Variants in ANK3 observed in about 807,000 individuals in gnomAD.
ANK3 encodes the protein ankyrin-3.
Under a neutral mutation model 370.9 loss-of-function variants are expected in ANK3, and 57 were observed. The ratio of observed to expected loss-of-function variants is 0.15; its 90% CI spans 0.12 to 0.19. The LOEUF is 0.19. Among genes scored for constraint, ANK3 ranks in the 10% least tolerant of loss-of-function variants. The probability of loss-of-function intolerance (pLI) is 1.00; values close to 1 mark genes in which losing one functional copy is unlikely to be tolerated. For synonymous variants in ANK3, 1,929 were observed against 1,946.3 expected, an observed-to-expected ratio of 0.99 and a Z score of 0.23; for missense variants, 4,439 against 5,302.1, an observed-to-expected ratio of 0.84 and a Z score of 5.06.
intron 17 of ANK3, among the ~76,000 whole-genome samples, chr10:60,185,834 C>G (rs981021002): frequency 1.3e-5 from 2 of 152,144 alleles, no homozygotes; most frequent in Non-Finnish European, 2.9e-5. Context: ...ACTTCATTAA[C>G]AAGTTTCTGG....
At chr10:60,201,043 T>G (rs1166280175) in intron 12 of ANK3, among the ~76,000 whole-genome samples, 1 of 152,246 alleles carries the variant, frequency 6.6e-6, no homozygotes, top group South Asian at 2.1e-4. Flanking sequence ...TTCTCTCACA[T>G]AGGTGATGCT....
At chr10:60,508,669 G>A (rs968949659) in intron 2 of ANK3, 1 of 152,422 alleles carries the variant, frequency 6.6e-6, no homozygotes, top group Non-Finnish European at 1.5e-5. Flanking sequence ...TAATCATGAA[G>A]GCACAATTAC....
chr10:60,048,556 C>CA (rs2077321713), intron 42 of ANK3, among the ~76,000 whole-genome samples: 1 of 152,168 alleles, frequency 6.6e-6, no homozygotes, highest in African/African-American at 2.4e-5. Flanking sequence ...GCAGTATTTG[C>CA]ATATAAGCTA....
intron 2 of ANK3, among the ~76,000 whole-genome samples, chr10:60,607,702 A>T (rs1455362310): frequency 6.6e-6 from 1 of 152,228 alleles, no homozygotes; most frequent in African/African-American, 2.4e-5. Context: ...GAAATAAATA[A>T]GTGAAGCAAA....
intron 8 of ANK3, among the ~76,000 whole-genome samples, chr10:60,218,066 G>C (rs959796442): frequency 6.6e-6 from 1 of 150,602 alleles, no homozygotes; most frequent in African/African-American, 2.4e-5. Context: ...TCAGAGACTA[G>C]GATTGCAACC....
At chr10:60,166,768 C>G (rs1313269282) in intron 22 of ANK3, 56 bp downstream of exon 22, 9 of 1,597,924 alleles carry the variant, frequency 5.6e-6, no homozygotes, top group Non-Finnish European at 7.7e-6. Flanking sequence ...CTTCAGGAAA[C>G]AAACAAAATA....
At chr10:60,085,030 T>C in intron 31 of ANK3, 127 bp downstream of exon 31, 1 of 824,798 alleles carries the variant, frequency 1.2e-6, no homozygotes, top group East Asian at 2.7e-5. Context: ...ATAATTTTGA[T>C]AAGCAAATAC....
intron 1 of ANK3, among the ~76,000 whole-genome samples, chr10:60,618,310 T>A (rs1346155891): frequency 6.6e-6 from 1 of 152,164 alleles, no homozygotes; most frequent in African/African-American, 2.4e-5. Context: ...CGTCTTCTAA[T>A]AAAAGTAAAG....
intron 42 of ANK3, among the ~76,000 whole-genome samples, chr10:60,053,226 G>T (rs559839345): frequency 2.0e-5 from 3 of 152,190 alleles, no homozygotes; most frequent in African/African-American, 7.2e-5. Context: ...CTGTGTTGAC[G>T]AAAGAAAAGA....
intron 1 of ANK3, among the ~76,000 whole-genome samples, chr10:60,702,554 G>GT (rs1296070643): frequency 6.6e-6 from 1 of 151,734 alleles, no homozygotes; most frequent in Non-Finnish European, 1.5e-5. Context: ...TTATTGGTGT[G>GT]TAAAAAAAAA....
intron 17 of ANK3, among the ~76,000 whole-genome samples, chr10:60,184,753 G>A (rs528801734): frequency 3.9e-4 from 60 of 152,302 alleles, no homozygotes; most frequent in South Asian, 8.3e-4. Flanking sequence ...GGCATATATT[G>A]TACCAGTTGG....
At chr10:60,335,044 C>T (rs1344580581) in intron 1 of ANK3, among the ~76,000 whole-genome samples, 2 of 152,060 alleles carry the variant, frequency 1.3e-5, no homozygotes, top group East Asian at 3.9e-4. Flanking sequence ...GGGGCTAGGT[C>T]CTCTATTTCA....
chr10:60,255,795 TA>T (rs922888375), intron 7 of ANK3, among the ~76,000 whole-genome samples: 4 of 151,844 alleles, frequency 2.6e-5, no homozygotes, highest in African/African-American at 9.7e-5. Flanking sequence ...CTCTTGAGAA[TA>T]AAAAAAAATT....
intron 1 of ANK3, among the ~76,000 whole-genome samples, chr10:60,640,099 T>C (rs1381647802): frequency 1.3e-5 from 2 of 152,040 alleles, no homozygotes; most frequent in African/African-American, 2.4e-5. Context: ...GAATAAAGAA[T>C]ATTATCATCA....
Position 60,625,562 on chromosome 10 carries a change from C to T in ANK3, c.58-10338G>A, listed in dbSNP as rs58569628. Among the ~76,000 whole-genome samples the T allele has an allele frequency of 2.0e-3, 306 of 152,188 alleles. 1 individual carries two copies. Among genetic ancestry groups the T allele is most frequent in the African/African-American group, 7.0e-3 (291 of 41,522 alleles). On this transcript the variant is annotated intron_variant, in intron 1 of 43. Transcript: ENST00000373827. ...AAAATCAGTTTATTTCCCAAAGTACCTAATTTATGTGTTAAGGAGCCACTA... is the reference window on the plus strand; with the variant it reads ...AAAATCAGTTTATTTCCCAAAGTACTTAATTTATGTGTTAAGGAGCCACTA...
chr10:60,146,523 C>G (rs1423732731), intron 23 of ANK3, among the ~76,000 whole-genome samples: 10 of 152,144 alleles, frequency 6.6e-5, no homozygotes, highest in Admixed American at 6.5e-4. Context: ...CAGTCTCACT[C>G]TATTGCCCAG....
At chr10:60,341,701 A>C (rs1212276400) in intron 1 of ANK3, among the ~76,000 whole-genome samples, 2 of 152,152 alleles carry the variant, frequency 1.3e-5, no homozygotes, top group African/African-American at 4.8e-5. Flanking sequence ...TGTGTTTGGC[A>C]TAGTGCTTTA....
intron 7 of ANK3, among the ~76,000 whole-genome samples, chr10:60,254,281 T>C (rs556579496): frequency 6.6e-6 from 1 of 152,172 alleles, no homozygotes; most frequent in African/African-American, 2.4e-5. Context: ...GTTAAAACCA[T>C]GGATGTGAAA....
At chr10:60,693,402 C>T (rs912854924) in intron 1 of ANK3, among the ~76,000 whole-genome samples, 11 of 152,238 alleles carry the variant, frequency 7.2e-5, no homozygotes, top group Non-Finnish European at 1.2e-4. Context: ...CCCACCACAG[C>T]TCAAGGAGGC....
Sources: gnomAD v4.1 joint callset for allele counts (sites outside exome capture counted in the v4.1 genomes callset) on GRCh38, gnomAD v4.1.1 for gene constraint, MANE v1.5 for transcripts, NCBI Gene and HGNC (gene_info 2026-07-23, HGNC 2026-07-21) for gene names.